Variants in BIRC6 observed in about 807,000 individuals in gnomAD.
BIRC6 encodes the protein dual E2 ubiquitin-conjugating enzyme/E3 ubiquitin-protein ligase BIRC6.
BIRC6 carries 98 observed loss-of-function variants against 503.3 expected under a neutral mutation model. The observed-to-expected ratio is 0.19, with a 90% confidence interval of 0.17 to 0.23. The LOEUF (loss-of-function observed/expected upper bound fraction) is 0.23, where lower values mean the gene tolerates loss of function less well. Among genes scored for constraint, BIRC6 ranks in the 10% least tolerant of loss-of-function variants. The pLI is 1.00. For synonymous variants in BIRC6, 2,240 were observed against 2,078.7 expected (o/e 1.08, Z -2.11); for missense variants, 5,360 against 5,806.0 (o/e 0.92, Z 2.50).
At chr2:32,369,939 AAAAAAAATATAT>A (rs1244403365) in intron 1 of BIRC6, among the ~76,000 whole-genome samples, 8 of 53,252 alleles carry the variant, frequency 1.5e-4, no homozygotes, top group African/African-American at 8.0e-4. Flanking sequence ...AAAAAAAAAA[AAAAAAAATATAT>A]ATATATATAT....
intron 72 of BIRC6, among the ~76,000 whole-genome samples, chr2:32,610,551 G>C (rs2062794306): frequency 6.6e-6 from 1 of 152,254 alleles, no homozygotes; most frequent in Non-Finnish European, 1.5e-5. Flanking sequence ...ACTTATCTAG[G>C]TGTTCTTTGA....
intron 53 of BIRC6, among the ~76,000 whole-genome samples, 191 bp downstream of exon 53, chr2:32,510,825 T>G (rs2054311873): frequency 6.6e-6 from 1 of 152,220 alleles, no homozygotes; most frequent in Non-Finnish European, 1.5e-5. Context: ...TTTGTATGTG[T>G]TTGGACATAC....
chr2:32,509,066 TA>T lies in BIRC6; in HGVS notation c.9981-660del, dbSNP rs774582587. On this transcript the variant is annotated intron_variant, in intron 51 of 73. Coordinates refer to ENST00000421745, the MANE Select transcript of BIRC6 (RefSeq NM_016252.4). ...CCTGGGTGAGAGTGAACTCTGTCTT[TA>T]AAAAAAAAAAAGAATTTAGGATTTC... Among the ~76,000 whole-genome samples the T allele has an allele frequency of 7.3e-3, 1,046 of 143,368 alleles. 10 individuals are homozygous for T. The highest frequency in any genetic ancestry group is 0.02 in the African/African-American group (782 of 39,176). 94.1% of individuals were successfully genotyped at this position (143,368 alleles called of 152,430 possible).
At chr2:32,507,331 A>G (rs546096079) in intron 50 of BIRC6, among the ~76,000 whole-genome samples, 2 of 152,264 alleles carry the variant, frequency 1.3e-5, no homozygotes, top group South Asian at 2.1e-4. Context: ...TCTGGAGGCT[A>G]CGGCAGGAGA....
At chr2:32,480,122 T>A (rs528126064) in intron 37 of BIRC6, among the ~76,000 whole-genome samples, 1 of 152,370 alleles carries the variant, frequency 6.6e-6, no homozygotes, top group African/African-American at 2.4e-5. Context: ...TTGTCATTCC[T>A]TAATCTTATG....
At chr2:32,383,232 A>G (rs2149444503) in intron 3 of BIRC6, among the ~76,000 whole-genome samples, 1 of 151,280 alleles carries the variant, frequency 6.6e-6, no homozygotes, top group African/African-American at 2.4e-5. Context: ...TTTTTAGTAG[A>G]GACGGTTTCA....
chr2:32,470,343 C>A, intron 31 of BIRC6, 42 bp downstream of exon 31: 2 of 1,448,846 alleles, frequency 1.4e-6, no homozygotes, highest in African/African-American at 1.5e-5. Flanking sequence ...AACAATATTC[C>A]TGCAAATATT....
chr2:32,413,485 T>C (rs1375654855), intron 9 of BIRC6, among the ~76,000 whole-genome samples: 1 of 151,770 alleles, frequency 6.6e-6, no homozygotes, highest in Admixed American at 6.6e-5. Flanking sequence ...CAGCCTCTAA[T>C]TTTTTGTATT....
chr2:32,572,989 A>G (rs1433430712), intron 65 of BIRC6, among the ~76,000 whole-genome samples: 1 of 152,196 alleles, frequency 6.6e-6, no homozygotes, highest in Non-Finnish European at 1.5e-5. Context: ...CTCTGTGGGC[A>G]CTGAGGCAAT....
chr2:32,510,421 T>C, intron 52 of BIRC6, 105 bp from the exon 53 acceptor site: 1 of 725,688 alleles, frequency 1.4e-6, no homozygotes. Context: ...TGTTGGAATT[T>C]ATGGAAGCCT....
intron 15 of BIRC6, among the ~76,000 whole-genome samples, chr2:32,436,694 C>T (rs2044746280): frequency 6.6e-6 from 1 of 151,946 alleles, no homozygotes; most frequent in Non-Finnish European, 1.5e-5. Context: ...ATTCTCTTGC[C>T]TCAGCCTCCC....
chr2:32,357,035 T>C lies in BIRC6; in HGVS notation c.-127T>C. 2 of 847,068 alleles carry C rather than the reference T, an allele frequency of 2.4e-6. No homozygotes were observed. The highest frequency in any genetic ancestry group is 4.0e-5 in the Admixed American group (1 of 25,098). 52.5% of individuals were successfully genotyped at this position (847,068 alleles called of 1,614,324 possible). A position where few individuals can be genotyped will look rare whatever the true frequency, so the allele number is the denominator to read the frequency against. ...CCCCGGGCCCCGCCTCCCTCCCTGC[T>C]TCTCCCCCTCTCCCGTCAGCCTCCC... On this transcript the variant is annotated 5_prime_UTR_variant, in exon 1 of 74. Transcript: ENST00000421745. This position sits in a 1 kb window ranked among gnomAD's most constrained non-coding sequence, Gnocchi z 4.9.
chr2:32,577,201 A>G (rs1429252925), intron 66 of BIRC6, among the ~76,000 whole-genome samples: 1 of 152,154 alleles, frequency 6.6e-6, no homozygotes, highest in Non-Finnish European at 1.5e-5. Flanking sequence ...TTATTCTTGT[A>G]GAATAAACAT....
Position 32,509,938 on chromosome 2 carries a change from T to A in BIRC6, c.10181T>A (p.Leu3394Gln), listed in dbSNP as rs1405571310. 2 of 1,613,930 alleles carry A rather than the reference T, an allele frequency of 1.2e-6. No individual in the cohort carries two copies. Among genetic ancestry groups the A allele is most frequent in the Non-Finnish European group, 1.7e-6 (2 of 1,179,908 alleles). ...KIGLQSTRIG[L>Q]KLIDILLRNC... ...GGACTGCAGTCTACTAGAATTGGCC[T>A]GAAGCTCATAGACATTCTCCTGAGA... is the stretch of plus-strand genomic sequence containing the variant. Residue 3394 changes from leucine to glutamine, a missense_variant, in exon 52 of 74, where the codon CTG (leucine) becomes CAG (glutamine). Physicochemically the swap from Leu to Gln is moderately radical, Grantham distance 113. Around this residue, in one of 16 missense-constraint regions of BIRC6, gnomAD observed 878 missense variants for 928.9 expected, o/e 0.95. Coordinates refer to ENST00000421745, the MANE Select transcript of BIRC6 (RefSeq NM_016252.4).
chr2:32,490,394 A>G (rs2051543122), intron 43 of BIRC6, among the ~76,000 whole-genome samples: 1 of 152,170 alleles, frequency 6.6e-6, no homozygotes, highest in Non-Finnish European at 1.5e-5. Flanking sequence ...CTAAAAATAC[A>G]AAAGTTAGTG....
intron 1 of BIRC6, among the ~76,000 whole-genome samples, chr2:32,374,549 T>C (rs1180211547): frequency 6.6e-6 from 1 of 151,582 alleles, no homozygotes; most frequent in South Asian, 2.1e-4. Flanking sequence ...CTTGGCTCAC[T>C]GCAAGCTCCG....
chr2:32,493,546 C>T lies in BIRC6; in HGVS notation c.8347C>T (p.Pro2783Ser), dbSNP rs1411914802. 23 of 1,607,854 alleles carry T rather than the reference C, an allele frequency of 1.4e-5. No homozygotes were observed. The highest frequency in any genetic ancestry group is 1.9e-5 in the Non-Finnish European group (22 of 1,176,060). ...AATATACATTTCTCTTTAGGTTGGT[C>T]CTACAGCTACACAAGCTATGCAAGA... ...GTNQHSPQVG[P>S]TATQAMQEFL... The change falls in exon 45 of 74, where the codon CCT (proline) becomes TCT (serine). Residue 2783 changes from proline (P) to serine (S), a missense_variant. Transcript: ENST00000421745.
intron 71 of BIRC6, among the ~76,000 whole-genome samples, chr2:32,607,166 A>G (rs2151641847): frequency 7.8e-6 from 1 of 128,440 alleles, no homozygotes; most frequent in African/African-American, 3.1e-5. Flanking sequence ...TTGGAAATAG[A>G]TTCTTCATAT....
intron 1 of BIRC6, among the ~76,000 whole-genome samples, chr2:32,366,599 A>G (rs1289422142): frequency 6.6e-6 from 1 of 152,200 alleles, no homozygotes; most frequent in Non-Finnish European, 1.5e-5. Context: ...GTATGTAAGA[A>G]CAGTGGGGAC....
Sources: gnomAD v4.1 joint callset for allele counts (sites outside exome capture counted in the v4.1 genomes callset) on GRCh38, gnomAD v4.1.1 for gene constraint, gnomAD v4.1.1 regional missense constraint, Gnocchi (gnomAD v3.1) non-coding constraint, MANE v1.5 for transcripts, NCBI Gene and HGNC (gene_info 2026-07-23, HGNC 2026-07-21) for gene names.